GPC5: variants seen among roughly 807,000 people sequenced by gnomAD.
GPC5 encodes the protein glypican 5.
GPC5 carries 47 observed loss-of-function variants against 53.9 expected under a neutral mutation model. The ratio of observed to expected loss-of-function variants is 0.87; its 90% CI spans 0.69 to 1.11. The LOEUF is 1.11. GPC5 is among the 50% of genes most tolerant of loss of function. The probability of loss-of-function intolerance (pLI) is 0.00; values close to 1 mark genes in which losing one functional copy is unlikely to be tolerated. For synonymous variants in GPC5, 286 were observed against 263.3 expected (o/e 1.09, Z -0.84); for missense variants, 748 against 713.1 (o/e 1.05, Z -0.56).
chr13:92,640,007 C>T (rs1885537949), intron 7 of GPC5, among the ~76,000 whole-genome samples: 1 of 151,238 alleles, frequency 6.6e-6, no homozygotes, highest in Non-Finnish European at 1.5e-5. Context: ...TCTCACTCTC[C>T]CTTCTCCCTC....
In GPC5 at chr13:91,734,208, G is replaced by A. The variant is rs1047981566; in HGVS notation, c.1154+5543G>A. On this transcript the variant is annotated intron_variant, in intron 4 of 7. Coordinates refer to ENST00000377067, the MANE Select transcript of GPC5 (RefSeq NM_004466.6). ...AATTGTGGTAGATAAGTTTTTCAAT[G>A]TGCTGCTGGATTCAATTTGCCAGTA... Among the ~76,000 whole-genome samples, 23 of 151,298 alleles carry A rather than the reference G, an allele frequency of 1.5e-4. 1 individual carries two copies. Among genetic ancestry groups the A allele is most frequent in the African/African-American group, 5.2e-4 (21 of 40,594 alleles).
At chr13:92,160,108 C>T (rs1593944586) in intron 7 of GPC5, among the ~76,000 whole-genome samples, 1 of 151,994 alleles carries the variant, frequency 6.6e-6, no homozygotes, top group African/African-American at 2.4e-5. Context: ...TGAGGTTTCA[C>T]CACGTTGGTC....
At chr13:91,638,233 A>G (rs1160248969) in intron 2 of GPC5, among the ~76,000 whole-genome samples, 2 of 152,170 alleles carry the variant, frequency 1.3e-5, no homozygotes, top group African/African-American at 4.8e-5. Context: ...AAGTCTAGTC[A>G]CATATACGTA....
chr13:92,188,630 A>C (rs2042200959), intron 7 of GPC5, among the ~76,000 whole-genome samples: 1 of 152,238 alleles, frequency 6.6e-6, no homozygotes, highest in African/African-American at 2.4e-5. Context: ...GAATAGATTT[A>C]ATAAGTAAAT....
chr13:91,574,684 C>G lies in GPC5; in HGVS notation c.326-118503C>G, dbSNP rs567904350. ...GTGCCAAGTACTGAGGTGGTCATCA[C>G]TTGATTTTATTTTACCTCTCAATTG... On this transcript the variant is annotated intron_variant, in intron 2 of 7. Transcript: ENST00000377067. Among the ~76,000 whole-genome samples, 9 of 152,170 alleles carry G rather than the reference C, an allele frequency of 5.9e-5. No homozygotes were observed. In the South Asian group the frequency reaches 1.9e-3, roughly 32 times the overall value.
intron 6 of GPC5, among the ~76,000 whole-genome samples, chr13:92,008,700 G>C (rs999176750): frequency 2.6e-5 from 4 of 152,052 alleles, no homozygotes; most frequent in African/African-American, 9.7e-5. Flanking sequence ...TAAACTTCCT[G>C]AATCTGTGAG....
At chr13:92,291,800 C>A (rs536206243) in intron 7 of GPC5, among the ~76,000 whole-genome samples, 1 of 152,282 alleles carries the variant, frequency 6.6e-6, no homozygotes, top group African/African-American at 2.4e-5. Context: ...AGACCACAAA[C>A]CCACCGGGAG....
chr13:91,438,251 T>A (rs1412746716), intron 1 of GPC5, among the ~76,000 whole-genome samples: 1 of 152,206 alleles, frequency 6.6e-6, no homozygotes, highest in African/African-American at 2.4e-5. Context: ...TTTTTAGAGT[T>A]TCCAGTTTTT....
intron 7 of GPC5, among the ~76,000 whole-genome samples, chr13:92,552,092 T>C (rs576865895): frequency 1.3e-5 from 2 of 152,016 alleles, no homozygotes; most frequent in African/African-American, 4.8e-5. Context: ...TGAAAATCCA[T>C]TTTTAACTTT....
At chr13:91,742,697 C>A (rs939740916) in intron 4 of GPC5, among the ~76,000 whole-genome samples, 3 of 152,106 alleles carry the variant, frequency 2.0e-5, no homozygotes, top group South Asian at 2.1e-4. Flanking sequence ...TATCCAGTGG[C>A]TGCAATTGGA....
intron 6 of GPC5, among the ~76,000 whole-genome samples, chr13:91,975,968 G>A (rs1043898865): frequency 6.6e-6 from 1 of 152,174 alleles, no homozygotes; most frequent in Non-Finnish European, 1.5e-5. Context: ...CATGTCCTTT[G>A]TAGGGACATG....
At chr13:92,230,547 T>A (rs2042522428) in intron 7 of GPC5, among the ~76,000 whole-genome samples, 1 of 152,204 alleles carries the variant, frequency 6.6e-6, no homozygotes, top group African/African-American at 2.4e-5. Context: ...CTGCAATCTG[T>A]GATAATCTTT....
At chr13:92,023,083 A>C (rs1406432446) in intron 6 of GPC5, among the ~76,000 whole-genome samples, 1 of 152,130 alleles carries the variant, frequency 6.6e-6, no homozygotes, top group East Asian at 1.9e-4. Context: ...AATACCTAAC[A>C]GCATCTCAGA....
chr13:91,976,947 G>A (rs1302889223), intron 6 of GPC5, among the ~76,000 whole-genome samples: 1 of 151,980 alleles, frequency 6.6e-6, no homozygotes, highest in African/African-American at 2.4e-5. Context: ...GCTGAGACAG[G>A]AGAGTCACTT....
chr13:92,381,972 A>G (rs2043751711), intron 7 of GPC5, among the ~76,000 whole-genome samples: 1 of 132,748 alleles, frequency 7.5e-6, no homozygotes, highest in Admixed American at 7.9e-5. Context: ...GTATCTATCT[A>G]TCTATCTATC....
intron 5 of GPC5, among the ~76,000 whole-genome samples, chr13:91,803,910 G>A (rs1181170175): frequency 3.3e-5 from 5 of 151,984 alleles, no homozygotes; most frequent in South Asian, 2.1e-4. Flanking sequence ...CAGATAAATA[G>A]TGACAACAAA....
At chr13:91,841,747 G>GAGGA (rs1439431799) in intron 5 of GPC5, among the ~76,000 whole-genome samples, 1 of 152,126 alleles carries the variant, frequency 6.6e-6, no homozygotes, top group African/African-American at 2.4e-5. Context: ...GAAAGGATGG[G>GAGGA]AGGAAGGAAG....
chr13:92,554,558 T>C (rs1882429898), intron 7 of GPC5, among the ~76,000 whole-genome samples: 1 of 150,950 alleles, frequency 6.6e-6, no homozygotes. Context: ...AAAAACTTAA[T>C]GAAACAAAAA....
intron 5 of GPC5, among the ~76,000 whole-genome samples, chr13:91,798,238 T>C (rs1337355201): frequency 6.6e-6 from 1 of 152,220 alleles, no homozygotes; most frequent in Non-Finnish European, 1.5e-5. Flanking sequence ...GTTTGTTACA[T>C]AGGTAAACGT....
Sources: allele counts gnomAD v4.1 joint callset (sites outside exome capture counted in the v4.1 genomes callset), GRCh38; gene constraint gnomAD v4.1.1; transcripts MANE v1.5; gene names NCBI Gene and HGNC (gene_info 2026-07-23, HGNC 2026-07-21).